Variants in EPS15L1 observed in about 807,000 individuals in gnomAD.
EPS15L1 encodes the protein epidermal growth factor receptor pathway substrate 15 like 1, also known as epidermal growth factor receptor substrate 15-like 1.
A neutral mutation model predicts 117.1 loss-of-function variants in EPS15L1; 43 were observed. That is an observed-to-expected ratio of 0.37 (90% CI 0.29 to 0.47). EPS15L1 has a LOEUF of 0.47. EPS15L1 is among the 20% of genes least tolerant of loss of function. The probability of loss-of-function intolerance (pLI) is 0.99; values close to 1 mark genes in which losing one functional copy is unlikely to be tolerated. For synonymous variants in EPS15L1, 459 were observed against 470.5 expected, an observed-to-expected ratio of 0.98 and a Z score of 0.32; for missense variants, 981 against 1,164.0, an observed-to-expected ratio of 0.84 and a Z score of 2.29.
intron 12 of EPS15L1, among the ~76,000 whole-genome samples, chr19:16,414,773 G>A (rs1425198134): frequency 2.0e-5 from 3 of 149,950 alleles, no homozygotes; most frequent in Non-Finnish European, 3.0e-5. Flanking sequence ...GCAGTGGCAC[G>A]ATCATAGCTC....
intron 23 of EPS15L1, chr19:16,357,766 G>A (rs1470501204): frequency 6.6e-6 from 1 of 152,258 alleles, no homozygotes; most frequent in Non-Finnish European, 1.5e-5. Flanking sequence ...ACTTCTTAAA[G>A]AGGCACTGCC....
chr19:16,420,355 C>T (rs1448682035), intron 10 of EPS15L1, among the ~76,000 whole-genome samples: 1 of 152,212 alleles, frequency 6.6e-6, no homozygotes, highest in Non-Finnish European at 1.5e-5. Context: ...TGTCAGGGCG[C>T]TAACCAGGAA....
chr19:16,384,249 A>T (rs1323960257), intron 21 of EPS15L1: 2 of 152,236 alleles, frequency 1.3e-5, no homozygotes, highest in African/African-American at 4.8e-5. Flanking sequence ...CAGGGACGGG[A>T]CACACCTCAT....
In EPS15L1 at chr19:16,366,149, A is replaced by G. The variant is rs1259516556; in HGVS notation, c.2381-4165T>C. Among the ~76,000 whole-genome samples, 3 of 152,208 alleles carry G rather than the reference A, an allele frequency of 2.0e-5. 1 individual carries two copies. In the East Asian group the frequency reaches 5.8e-4, roughly 29 times the overall value. ...GGGGAGAAGCTCAAAGTCCCAGGAC[A>G]CGGTGTAGCCCCCTGGGACGGGCAG... On this transcript the variant is annotated intron_variant, in intron 22 of 23. Coordinates refer to ENST00000455140, the MANE Select transcript of EPS15L1 (RefSeq NM_001258374.3).
rs1555771298 is a variant in EPS15L1, at chr19:16,461,319, A to AAAAAG, written c.33+10593_33+10594insCTTTT. On this transcript the variant is annotated intron_variant, in intron 1 of 23. Coordinates refer to ENST00000455140, the MANE Select transcript of EPS15L1 (RefSeq NM_001258374.3). ...ACTCCGTCTCTTAAAAAAAAAAAAA[A>AAAAAG]AAAGAAAGAAAGAAAAGCCAGCTGG... 3.8e-4 allele frequency among the ~76,000 whole-genome samples: 54 copies of AAAAAG among 143,184 alleles called. 1 individual carries two copies. The highest frequency in any genetic ancestry group is 1.3e-3 in the South Asian group (6 of 4,492). The allele number at this position is 143,184 out of a possible 152,430, so 93.9% of individuals were successfully genotyped here.
chr19:16,436,083 A>G (rs2145042901), intron 6 of EPS15L1, among the ~76,000 whole-genome samples: 1 of 151,912 alleles, frequency 6.6e-6, no homozygotes, highest in Non-Finnish European at 1.5e-5. Flanking sequence ...TGACTGCATG[A>G]CTCCTCAGTC....
At chr19:16,358,196 A>G (rs1303317340) in intron 23 of EPS15L1, 2 of 152,734 alleles carry the variant, frequency 1.3e-5, no homozygotes, top group Non-Finnish European at 2.9e-5. Flanking sequence ...TGTGTTTCCA[A>G]ATGAAAGGTG....
intron 13 of EPS15L1, among the ~76,000 whole-genome samples, chr19:16,408,818 T>C (rs1347687002): frequency 2.0e-5 from 3 of 152,140 alleles, no homozygotes; most frequent in Non-Finnish European, 2.9e-5. Context: ...GAGAGGCAGA[T>C]AGGTCAATGG....
At chr19:16,432,865 C>T (rs753344863) in intron 7 of EPS15L1, among the ~76,000 whole-genome samples, 3 of 152,072 alleles carry the variant, frequency 2.0e-5, no homozygotes, top group Non-Finnish European at 4.4e-5. Flanking sequence ...TGCCATGGCA[C>T]GATCTCAGCT....
chr19:16,417,951 G>A lies in EPS15L1; in HGVS notation c.1104C>T (p.Gly368=). Residue 368 remains glycine (G), a synonymous_variant, in exon 11 of 24, where the codon GGC becomes GGT. Transcript: ENST00000455140. ...MVPPSERGTP[G]PDSSGSLGSG... is the part of the protein sequence containing the mutation. ...GGGCATGACCAGCACCACTCACCGG[G>A]CCGGGCGTGCCTCTCTCCGAAGGCG... 6.2e-7 allele frequency: 1 copy of A among 1,612,672 alleles called. No homozygotes were observed.
chr19:16,388,613 G>A (rs2144756288), intron 19 of EPS15L1, among the ~76,000 whole-genome samples: 1 of 152,092 alleles, frequency 6.6e-6, no homozygotes, highest in South Asian at 2.1e-4. Context: ...AGATCACGAG[G>A]TCAGAAGATC....
intron 6 of EPS15L1, chr19:16,436,661 C>T (rs2092981527): frequency 2.7e-6 from 1 of 372,738 alleles, no homozygotes; most frequent in African/African-American, 2.1e-5. Flanking sequence ...TAAACTGCAG[C>T]CCTTTAATAA....
In EPS15L1 at chr19:16,432,026, G is replaced by C. The variant is rs374892503; in HGVS notation, c.498+2339C>G. Among the ~76,000 whole-genome samples the C allele has an allele frequency of 7.9e-5, 12 of 152,338 alleles. No homozygotes were observed. In the East Asian group the frequency reaches 1.9e-3, roughly 24 times the overall value. On this transcript the variant is annotated intron_variant, in intron 7 of 23. Transcript: ENST00000455140. ...TTTGTATGTGCAGGACTGATTGCAG[G>C]ACTTGAGTATGCGTACATTTCGGTG...
In EPS15L1 at chr19:16,457,356, G is replaced by A. The variant is rs7359963; in HGVS notation, c.33+14557C>T. 4.2e-3 allele frequency among the ~76,000 whole-genome samples: 640 copies of A among 152,232 alleles called. 7 individuals are homozygous for A. The highest frequency in any genetic ancestry group is 0.015 in the African/African-American group (611 of 41,546). On this transcript the variant is annotated intron_variant, in intron 1 of 23. Transcript: ENST00000455140. ...AAGAGACAGGATGGAGGGCCAGTCCGCAGCCAGCAGCAGACATACACCCAG... is the reference window on the plus strand; with the variant it reads ...AAGAGACAGGATGGAGGGCCAGTCCACAGCCAGCAGCAGACATACACCCAG...
chr19:16,391,426 A>G (rs1203376360), intron 19 of EPS15L1, among the ~76,000 whole-genome samples: 2 of 152,112 alleles, frequency 1.3e-5, no homozygotes, highest in Non-Finnish European at 2.9e-5. Flanking sequence ...GCCTTCAAGG[A>G]GCTTCAAGCG....
In EPS15L1 at chr19:16,361,971, A is replaced by G. The variant is rs372467299; in HGVS notation, c.2394T>C (p.Pro798=). 1.4e-5 allele frequency: 23 copies of G among 1,600,560 alleles called. No individual in the cohort carries two copies. Among genetic ancestry groups the G allele is most frequent in the Non-Finnish European group, 1.6e-5 (19 of 1,175,198 alleles). ...AGTCTGCGGAACCAAGCTGGCTTAC[A>G]GGTGTACTTTTACCTGGAAAGTTTA... is the stretch of plus-strand genomic sequence containing the variant. The part of the protein sequence containing the change: ...RPKPPSGKST[P]VSQLGSADFP... Residue 798 remains proline, a synonymous_variant, in exon 23 of 24, where the codon CCT becomes CCC. Transcript: ENST00000455140.
chr19:16,397,375 C>A (rs1041997551), intron 16 of EPS15L1, among the ~76,000 whole-genome samples: 6 of 152,210 alleles, frequency 3.9e-5, no homozygotes, highest in African/African-American at 1.2e-4. Context: ...CAGGCGTGAG[C>A]CACCGCGCCC....
intron 21 of EPS15L1, among the ~76,000 whole-genome samples, chr19:16,384,503 TCCAA>T (rs2144736787): frequency 6.6e-6 from 1 of 152,254 alleles, no homozygotes; most frequent in African/African-American, 2.4e-5. Context: ...AAAGATGAGC[TCCAA>T]CCACACTGCC....
intron 1 of EPS15L1, 134 bp from the exon 2 acceptor site, chr19:16,442,353 C>T: frequency 1.5e-6 from 1 of 650,160 alleles, no homozygotes; most frequent in Non-Finnish European, 2.8e-6. Context: ...CTTTAAACAT[C>T]CTCTGAACAC....
Sources: gnomAD v4.1 joint callset for allele counts (sites outside exome capture counted in the v4.1 genomes callset) on GRCh38, gnomAD v4.1.1 for gene constraint, MANE v1.5 for transcripts, NCBI Gene and HGNC (gene_info 2026-07-23, HGNC 2026-07-21) for gene names.